CELF4: variants seen among roughly 807,000 people sequenced by gnomAD.
CELF4 encodes the protein CUG-BP- and ETR-3-like factor 4.
In CELF4, 18 loss-of-function variants were observed where a neutral mutation model predicts 59.9. That is an observed-to-expected ratio of 0.30 (90% CI 0.21 to 0.45). CELF4 has a LOEUF of 0.45. Ranked by LOEUF, CELF4 falls within the 20% of genes least tolerant of loss-of-function variation. The pLI, the probability that CELF4 is intolerant of heterozygous loss-of-function variation, is 1.00. For missense variants in CELF4, 456 were observed against 689.0 expected (o/e 0.66, Z 3.79); for synonymous variants, 261 against 267.1 (o/e 0.98, Z 0.22).
At chr18:37,524,396 T>G (rs927331769) in intron 1 of CELF4, among the ~76,000 whole-genome samples, 1 of 152,210 alleles carries the variant, frequency 6.6e-6, no homozygotes, top group Non-Finnish European at 1.5e-5. Context: ...TTAAAATCCC[T>G]GTCTCTGTTT....
chr18:37,298,374 A>G (rs902962089), intron 3 of CELF4, among the ~76,000 whole-genome samples: 2 of 152,192 alleles, frequency 1.3e-5, no homozygotes, highest in Non-Finnish European at 2.9e-5. Flanking sequence ...GAGACAGTGC[A>G]TGTCACTGCT....
chr18:37,475,468 C>A (rs1222358018), intron 2 of CELF4, among the ~76,000 whole-genome samples: 1 of 152,168 alleles, frequency 6.6e-6, no homozygotes, highest in African/African-American at 2.4e-5. Context: ...GTGCTGTTGA[C>A]CTGCAGAGGC....
intron 2 of CELF4, among the ~76,000 whole-genome samples, chr18:37,432,181 G>A (rs2099670962): frequency 6.6e-6 from 1 of 152,214 alleles, no homozygotes; most frequent in Non-Finnish European, 1.5e-5. Context: ...GAAGCAGCCA[G>A]CACTGATGGC....
chr18:37,390,305 C>T (rs2099145351), intron 2 of CELF4, among the ~76,000 whole-genome samples: 1 of 152,176 alleles, frequency 6.6e-6, no homozygotes, highest in Non-Finnish European at 1.5e-5. Context: ...CTCCCAGAGC[C>T]CTGGGGATGA....
chr18:37,437,113 G>C (rs2099695161), intron 2 of CELF4, among the ~76,000 whole-genome samples: 1 of 152,174 alleles, frequency 6.6e-6, no homozygotes, highest in Admixed American at 6.5e-5. Flanking sequence ...CTGGGGGCCA[G>C]GCTCCCCAGT....
chr18:37,353,627 G>T (rs2098505432), intron 2 of CELF4, among the ~76,000 whole-genome samples: 1 of 147,748 alleles, frequency 6.8e-6, no homozygotes, highest in African/African-American at 2.5e-5. Flanking sequence ...ACAGTAATAA[G>T]GATGTTAGGT....
intron 1 of CELF4, among the ~76,000 whole-genome samples, chr18:37,528,684 A>T (rs1037903610): frequency 3.3e-5 from 5 of 152,064 alleles, no homozygotes; most frequent in African/African-American, 1.2e-4. Context: ...AGGAAACTGC[A>T]CCTTCTGGAG....
intron 2 of CELF4, among the ~76,000 whole-genome samples, chr18:37,425,160 G>A (rs147113179): frequency 4.5e-4 from 68 of 152,342 alleles, no homozygotes; most frequent in African/African-American, 1.5e-3. Flanking sequence ...TGGGTTTCCT[G>A]TTCTGCCAGG....
chr18:37,350,093 T>C (rs1311402716), intron 2 of CELF4, among the ~76,000 whole-genome samples: 1 of 151,998 alleles, frequency 6.6e-6, no homozygotes, highest in Non-Finnish European at 1.5e-5. Flanking sequence ...CTGGGACAGA[T>C]AGAGGAGCAA....
chr18:37,354,713 A>T (rs2098533230), intron 2 of CELF4, among the ~76,000 whole-genome samples: 1 of 152,180 alleles, frequency 6.6e-6, no homozygotes, highest in Non-Finnish European at 1.5e-5. Context: ...GCAGAGGCCC[A>T]GGATGGGGGA....
intron 1 of CELF4, among the ~76,000 whole-genome samples, chr18:37,508,695 GGTC>G (rs2099940931): frequency 6.6e-6 from 1 of 152,246 alleles, no homozygotes; most frequent in African/African-American, 2.4e-5. Context: ...GAGCTCAAGT[GGTC>G]TGGTGGACTG....
At position 37,342,032 on chromosome 18, in the gene CELF4, G is replaced by A. The variant is rs186535139; in HGVS notation, c.370-20151C>T. ...GTGGTGCTTGGTGTTGTGTGTGTGC[G>A]TGTGTGTGTGTCCCAATCTCCTCTC... On this transcript the variant is annotated intron_variant, in intron 2 of 12. Transcript: ENST00000420428. Among the ~76,000 whole-genome samples, 441 of 151,912 alleles carry A rather than the reference G, an allele frequency of 2.9e-3. 5 individuals are homozygous for A. Among genetic ancestry groups the A allele is most frequent in the African/African-American group, 9.9e-3 (411 of 41,376 alleles).
intron 2 of CELF4, among the ~76,000 whole-genome samples, chr18:37,370,472 T>G (rs1034396018): frequency 2.0e-5 from 3 of 152,188 alleles, no homozygotes; most frequent in Non-Finnish European, 2.9e-5. Context: ...CAAGGGAACT[T>G]TGAGGCCATC....
At chr18:37,497,317 A>G (rs973567122) in intron 1 of CELF4, among the ~76,000 whole-genome samples, 1 of 152,194 alleles carries the variant, frequency 6.6e-6, no homozygotes, top group Admixed American at 6.5e-5. Flanking sequence ...CCATTTATTG[A>G]TGGTCCACAA....
At chr18:37,471,138 A>C (rs1169067098) in intron 2 of CELF4, among the ~76,000 whole-genome samples, 2 of 151,908 alleles carry the variant, frequency 1.3e-5, no homozygotes, top group Non-Finnish European at 2.9e-5. Context: ...TCAGCCCTCC[A>C]CCAGCAGGAC....
At chr18:37,430,454 A>G (rs911049358) in intron 2 of CELF4, among the ~76,000 whole-genome samples, 2 of 152,184 alleles carry the variant, frequency 1.3e-5, no homozygotes, top group Non-Finnish European at 2.9e-5. Flanking sequence ...CTCCACCCCC[A>G]CTCCACACAA....
intron 2 of CELF4, among the ~76,000 whole-genome samples, chr18:37,395,477 T>G (rs1463946732): frequency 1.3e-5 from 2 of 152,122 alleles, no homozygotes; most frequent in Non-Finnish European, 2.9e-5. Flanking sequence ...TCACTGGAGA[T>G]TTAGGGGAAG....
At chr18:37,294,700 A>G (rs2095541226) in intron 3 of CELF4, among the ~76,000 whole-genome samples, 1 of 152,156 alleles carries the variant, frequency 6.6e-6, no homozygotes, top group Non-Finnish European at 1.5e-5. Context: ...TCTTGTCTCC[A>G]CAGTGTCTCA....
Position 37,558,806 on chromosome 18 carries a change from CGT to C in CELF4, c.286+6548_286+6549del, listed in dbSNP as rs147683102. Among the ~76,000 whole-genome samples, 530 of 144,748 alleles carry C rather than the reference CGT, an allele frequency of 3.7e-3. 5 individuals are homozygous for C. The highest frequency in any genetic ancestry group is 4.8e-3 in the East Asian group (23 of 4,826). 95.0% of individuals were successfully genotyped at this position (144,748 alleles called of 152,430 possible). A position where few individuals can be genotyped will look rare whatever the true frequency, so the allele number is the denominator to read the frequency against. ...GCCTGACTTGACTGAGCTGTCAGGT[CGT>C]GTGTGTGTGTGTGTGTGTGTGTGTG... On this transcript the variant is annotated intron_variant, in intron 1 of 12. Transcript: ENST00000420428.
Sources: allele counts gnomAD v4.1 joint callset (sites outside exome capture counted in the v4.1 genomes callset), GRCh38; gene constraint gnomAD v4.1.1; transcripts MANE v1.5; gene names NCBI Gene and HGNC (gene_info 2026-07-23, HGNC 2026-07-21).